RABL3: variants seen among roughly 807,000 people sequenced by gnomAD.
RABL3 encodes rab-like protein 3.
A neutral mutation model predicts 31.8 loss-of-function variants in RABL3; 31 were observed. That is an observed-to-expected ratio of 0.97 (90% CI 0.73 to 1.31). The LOEUF (loss-of-function observed/expected upper bound fraction) is 1.31. Ranked by LOEUF, RABL3 falls within the 40% of genes most tolerant of loss-of-function variation. The pLI, the probability that RABL3 is intolerant of heterozygous loss-of-function variation, is 0.00. For synonymous variants in RABL3, 97 were observed against 99.9 expected (o/e 0.97, Z 0.18); for missense variants, 263 against 279.6 (o/e 0.94, Z 0.42).
chr3:120,732,502 T>A (rs907445085), intron 1 of RABL3, among the ~76,000 whole-genome samples: 11 of 152,204 alleles, frequency 7.2e-5, no homozygotes, highest in African/African-American at 2.7e-4. Flanking sequence ...CATCTGTTGA[T>A]TTATTTGCAG....
intron 1 of RABL3, among the ~76,000 whole-genome samples, chr3:120,737,661 C>T (rs1708987414): frequency 1.3e-5 from 2 of 152,256 alleles, no homozygotes; most frequent in Middle Eastern, 6.8e-3. Flanking sequence ...GTTTTATCTA[C>T]CTTTGGTCTT....
At chr3:120,692,078 G>A (rs1319038719) in intron 6 of RABL3, among the ~76,000 whole-genome samples, 1 of 152,214 alleles carries the variant, frequency 6.6e-6, no homozygotes, top group Non-Finnish European at 1.5e-5. Context: ...CCAAGAAGGA[G>A]ACTGATTCCC....
At chr3:120,701,832 T>C (rs1708495733) in intron 4 of RABL3, among the ~76,000 whole-genome samples, 1 of 152,164 alleles carries the variant, frequency 6.6e-6, no homozygotes, top group South Asian at 2.1e-4. Context: ...TAAGACAGAA[T>C]AAGCAAACTC....
At chr3:120,704,720 T>C (rs1708530193) in intron 4 of RABL3, among the ~76,000 whole-genome samples, 1 of 152,204 alleles carries the variant, frequency 6.6e-6, no homozygotes, top group Admixed American at 6.5e-5. Flanking sequence ...TTTTTTATAC[T>C]AGCAATGGAA....
chr3:120,719,916 C>G (rs1031225311), intron 2 of RABL3, among the ~76,000 whole-genome samples: 4 of 152,210 alleles, frequency 2.6e-5, no homozygotes, highest in Admixed American at 2.6e-4. Context: ...CCCGAGTAGC[C>G]TAACTGAGAG....
chr3:120,701,116 T>C (rs1708487511), intron 4 of RABL3, among the ~76,000 whole-genome samples: 4 of 152,164 alleles, frequency 2.6e-5, no homozygotes, highest in Admixed American at 2.6e-4. Context: ...TATTATTTCT[T>C]TTCTTTCTTA....
rs1219082131 is a variant in RABL3 at position 120,685,029 on chromosome 3, G to GTT, written c.*4793_*4794insAA. ...TTTTTGAAAACCATCACAACATAGT[G>GTT]TAAGTGCTCTGACAGGAAAGAGCCC... is the stretch of plus-strand genomic sequence containing the variant. On this transcript the variant is annotated 3_prime_UTR_variant, in exon 8 of 8. Coordinates refer to ENST00000273375, the MANE Select transcript of RABL3 (RefSeq NM_173825.5). Among the ~76,000 whole-genome samples the GTT allele has an allele frequency of 2.0e-5, 3 of 152,230 alleles. No individual in the cohort carries two copies. The highest frequency in any genetic ancestry group is 2.0e-4 in the Admixed American group (3 of 15,286).
At chr3:120,690,566 T>A in intron 6 of RABL3, 79 bp from the exon 7 acceptor site, 1 of 913,888 alleles carries the variant, frequency 1.1e-6, no homozygotes, top group Non-Finnish European at 1.8e-6. Context: ...CTAATGGTAC[T>A]AAAAGGAATA....
chr3:120,707,530 G>C, intron 3 of RABL3, among the ~76,000 whole-genome samples: 1 of 152,132 alleles, frequency 6.6e-6, no homozygotes, highest in East Asian at 1.9e-4. Flanking sequence ...GTTCAGAGAA[G>C]TAGAGTAACT....
intron 2 of RABL3, 111 bp from the exon 3 acceptor site, chr3:120,710,020 C>T (rs1025061988): frequency 4.5e-5 from 32 of 713,078 alleles, no homozygotes; most frequent in Non-Finnish European, 6.6e-5. Context: ...CTGATCGCTA[C>T]CTCTTATCTT....
At chr3:120,731,605 G>A (rs1290988333) in intron 1 of RABL3, among the ~76,000 whole-genome samples, 8 of 152,050 alleles carry the variant, frequency 5.3e-5, no homozygotes, top group Non-Finnish European at 7.4e-5. Context: ...TTCATTTAAC[G>A]GCATTTTTGG....
intron 1 of RABL3, among the ~76,000 whole-genome samples, chr3:120,737,122 T>C (rs923727276): frequency 6.6e-6 from 1 of 152,234 alleles, no homozygotes; most frequent in Non-Finnish European, 1.5e-5. Flanking sequence ...CAGAGTGTTT[T>C]CCAACTTGGT....
At position 120,742,503 on chromosome 3, in the gene RABL3, G is replaced by A; in HGVS notation, c.5C>T (p.Ala2Val). Residue 2 changes from alanine (A) to valine (V), a missense_variant, in exon 1 of 8, where the codon GCG becomes GTG. Coordinates refer to ENST00000273375, the MANE Select transcript of RABL3 (RefSeq NM_173825.5). ...CAGTACCTTCACCCGATCCAGGGAC[G>A]CCATCTTGCCACTGCCTTCCCTGGG... Reference protein sequence around the residue: MASLDRVKVLVL... With the variant: MVSLDRVKVLVL... 6.2e-7 allele frequency: 1 copy of A among 1,614,114 alleles called. No homozygotes were observed. The highest frequency in any genetic ancestry group is 1.1e-5 in the South Asian group (1 of 91,076).
At chr3:120,704,501 G>C (rs1409946970) in intron 4 of RABL3, among the ~76,000 whole-genome samples, 1 of 152,164 alleles carries the variant, frequency 6.6e-6, no homozygotes, top group African/African-American at 2.4e-5. Context: ...TTCCCCCTAA[G>C]ATTGGAGTAA....
In RABL3 at chr3:120,737,583, C is replaced by G. The variant is rs370005642; in HGVS notation, c.46+4879G>C. ...GCTGGCGAGGAGCTGCGTTTCTTTG[C>G]AGGGGGAGAGGTGCTCTGATTTTTA... On this transcript the variant is annotated intron_variant, in intron 1 of 7. Coordinates refer to ENST00000273375, the MANE Select transcript of RABL3 (RefSeq NM_173825.5). 7.9e-4 allele frequency among the ~76,000 whole-genome samples: 121 copies of G among 152,344 alleles called. 1 individual carries two copies. The highest frequency in any genetic ancestry group is 2.8e-3 in the African/African-American group (117 of 41,578).
chr3:120,701,045 T>C (rs1382157108), intron 4 of RABL3, among the ~76,000 whole-genome samples: 1 of 152,232 alleles, frequency 6.6e-6, no homozygotes, highest in Non-Finnish European at 1.5e-5. Flanking sequence ...TGGCCCCCTA[T>C]AGGTTACCAT....
intron 1 of RABL3, among the ~76,000 whole-genome samples, chr3:120,736,079 G>T (rs935808364): frequency 2.0e-5 from 3 of 152,166 alleles, no homozygotes; most frequent in African/African-American, 7.2e-5. Context: ...GCAGAGGTGA[G>T]TTCAATTCCT....
chr3:120,697,899 CTCGCG>C (rs1559811993), intron 5 of RABL3, among the ~76,000 whole-genome samples: 1 of 152,194 alleles, frequency 6.6e-6, no homozygotes, highest in East Asian at 1.9e-4. Flanking sequence ...GGTGCAGTGG[CTCGCG>C]CCTGTAATCC....
chr3:120,694,832 T>C (rs1309415660), intron 5 of RABL3, among the ~76,000 whole-genome samples: 1 of 151,982 alleles, frequency 6.6e-6, no homozygotes, highest in Non-Finnish European at 1.5e-5. Flanking sequence ...ATATTACTAC[T>C]CTTTGATGGA....
Sources: allele counts gnomAD v4.1 joint callset (sites outside exome capture counted in the v4.1 genomes callset), GRCh38; gene constraint gnomAD v4.1.1; transcripts MANE v1.5; gene names NCBI Gene and HGNC (gene_info 2026-07-23, HGNC 2026-07-21).